The following CAST variants were observed in gnomAD, a reference collection of about 807,000 sequenced individuals.
CAST encodes the protein MIR583 host.
CAST carries 76 observed loss-of-function variants against 119.6 expected under a neutral mutation model. The observed-to-expected ratio is 0.64, with a 90% CI of 0.53 to 0.77. The LOEUF is 0.77. CAST is among the 30% of genes least tolerant of loss of function. CAST has a pLI of 0.00. For synonymous variants in CAST, 319 were observed against 331.6 expected (o/e 0.96, Z 0.41); for missense variants, 953 against 946.5 (o/e 1.01, Z -0.09).
the CAST span, among the ~76,000 whole-genome samples, chr5:96,132,494 C>G: frequency 1.3e-5 from 2 of 152,012 alleles, no homozygotes; most frequent in Non-Finnish European, 2.9e-5. Flanking sequence ...TGCTATCAAA[C>G]ACTCCAGCTT....
the CAST span, among the ~76,000 whole-genome samples, chr5:96,160,968 A>T: frequency 6.6e-6 from 1 of 152,104 alleles, no homozygotes; most frequent in Non-Finnish European, 1.5e-5. Context: ...TTGTCTATTT[A>T]TTATTGAATT....
the CAST span, among the ~76,000 whole-genome samples, chr5:96,467,988 C>A: frequency 1.4e-4 from 21 of 151,926 alleles, no homozygotes; most frequent in Non-Finnish European, 2.6e-4. Context: ...CCAACCTAAG[C>A]GCGCATCAAC....
At chr5:96,293,503 C>T in the CAST span, among the ~76,000 whole-genome samples, 3 of 151,928 alleles carry the variant, frequency 2.0e-5, no homozygotes, top group Non-Finnish European at 4.4e-5. Flanking sequence ...GTCTTGAACT[C>T]CTGACCTTGT....
chr5:96,682,986 TG>T (rs1001633618), intron 2 of CAST, among the ~76,000 whole-genome samples: 9 of 152,084 alleles, frequency 5.9e-5, no homozygotes, highest in African/African-American at 1.9e-4. Flanking sequence ...TCCCACACCC[TG>T]CCCACTCCAC....
At chr5:96,732,108 CA>C (rs570388943) in intron 9 of CAST, among the ~76,000 whole-genome samples, 2,062 of 140,800 alleles carry the variant, frequency 0.015, 41 homozygotes, top group African/African-American at 0.052. Flanking sequence ...AACTAGTTTA[CA>C]GTCCCACCAA....
chr5:96,663,192 C>T (rs1265278502), intron 1 of CAST: 3 of 702,580 alleles, frequency 4.3e-6, no homozygotes, highest in Non-Finnish European at 7.8e-6. Flanking sequence ...TGTGCCTGGG[C>T]AGGACCCGGA....
intron 2 of CAST, 146 bp from the exon 3 acceptor site, chr5:96,695,690 T>A (rs1048372647): frequency 2.9e-5 from 14 of 490,870 alleles, no homozygotes; most frequent in Non-Finnish European, 4.9e-5. Context: ...TAACGAAAAA[T>A]TCAAAGCATA....
the CAST span, among the ~76,000 whole-genome samples, chr5:96,142,816 T>C: frequency 1.3e-5 from 2 of 152,190 alleles, no homozygotes; most frequent in Admixed American, 6.5e-5. Context: ...CATTCCTCTT[T>C]CAAAATAAAG....
At chr5:96,415,790 A>G in the CAST span, among the ~76,000 whole-genome samples, 2 of 123,046 alleles carry the variant, frequency 1.6e-5, no homozygotes, top group Non-Finnish European at 3.3e-5. Context: ...TTCAAATGCT[A>G]TTCAACATTT....
rs114847268 is a variant in CAST, at chr5:96,673,544, T to C, written c.76-1995T>C. On this transcript the variant is annotated intron_variant, in intron 1 of 31. Coordinates refer to ENST00000675179, the MANE Select transcript of CAST (RefSeq NM_001750.7). Reference sequence around the variant, plus strand: ...CAATAAGCTGGTTGGCTGGTTATGATTGGCTGAGGCAATTTTTGTTTTGTT... The same window carrying C: ...CAATAAGCTGGTTGGCTGGTTATGACTGGCTGAGGCAATTTTTGTTTTGTT... Among the ~76,000 whole-genome samples, 446 of 152,356 alleles carry C rather than the reference T, an allele frequency of 2.9e-3. 3 individuals carry two copies. Among genetic ancestry groups the C allele is most frequent in the African/African-American group, 0.01 (434 of 41,586 alleles).
chr5:95,979,483 A>T, the CAST span, among the ~76,000 whole-genome samples: 1 of 152,232 alleles, frequency 6.6e-6, no homozygotes, highest in Non-Finnish European at 1.5e-5. Context: ...AAACAAGAGT[A>T]TGAACAATAA....
chr5:96,696,080 G>A, intron 3 of CAST, 173 bp downstream of exon 3: 2 of 389,218 alleles, frequency 5.1e-6, no homozygotes, highest in Non-Finnish European at 9.6e-6. Flanking sequence ...TGATGTGAAT[G>A]ATTTAAAACC....
chr5:96,748,693 T>C (rs1764315837), intron 19 of CAST, 80 bp downstream of exon 19: 1 of 693,686 alleles, frequency 1.4e-6, no homozygotes, highest in South Asian at 1.8e-5. Flanking sequence ...TGTTTTAGCA[T>C]CAAGCAGTCT....
At chr5:96,403,876 C>G in the CAST span, among the ~76,000 whole-genome samples, 1 of 152,134 alleles carries the variant, frequency 6.6e-6, no homozygotes, top group Non-Finnish European at 1.5e-5. Context: ...CATTGAAAGT[C>G]CATTTCTCTT....
the CAST span, among the ~76,000 whole-genome samples, chr5:96,498,481 A>C: frequency 7.2e-5 from 11 of 152,170 alleles, no homozygotes; most frequent in Non-Finnish European, 1.3e-4. Flanking sequence ...GAAAGGATAA[A>C]CCTCAACTCC....
At chr5:96,650,728 TTGTGTGTGTGTGTGTGTG>T (rs34230121) in intron 1 of CAST, among the ~76,000 whole-genome samples, 1 of 142,166 alleles carries the variant, frequency 7.0e-6, no homozygotes, top group South Asian at 2.4e-4. Flanking sequence ...ACCCACTTAA[TTGTGTGTGTGTGTGTGTG>T]TGTGTGTGTG....
At chr5:96,477,613 G>A in the CAST span, among the ~76,000 whole-genome samples, 2 of 152,164 alleles carry the variant, frequency 1.3e-5, no homozygotes, top group Non-Finnish European at 2.9e-5. Flanking sequence ...TGCTCTCAAT[G>A]TGACTCCTGG....
At chr5:96,154,820 A>G in the CAST span, among the ~76,000 whole-genome samples, 1 of 152,230 alleles carries the variant, frequency 6.6e-6, no homozygotes, top group Non-Finnish European at 1.5e-5. Context: ...GTAAAGTACT[A>G]TTCTCATGAT....
At chr5:96,597,024 C>A (rs1441661514) in intron 1 of CAST, among the ~76,000 whole-genome samples, 1 of 152,128 alleles carries the variant, frequency 6.6e-6, no homozygotes, top group Admixed American at 6.5e-5. Flanking sequence ...GTTAAAGGCT[C>A]TATCTCCTAA....
Sources: gnomAD v4.1 joint callset for allele counts (sites outside exome capture counted in the v4.1 genomes callset) on GRCh38, gnomAD v4.1.1 for gene constraint, MANE v1.5 for transcripts, NCBI Gene and HGNC (gene_info 2026-07-23, HGNC 2026-07-21) for gene names.